The following ARHGAP44 variants were observed in gnomAD, a reference collection of about 807,000 sequenced individuals.
ARHGAP44 encodes the protein Rho GTPase activating protein 44.
In ARHGAP44, 43 loss-of-function variants were observed where a neutral mutation model predicts 106.8. That is an observed-to-expected ratio of 0.40 (90% CI 0.32 to 0.52). ARHGAP44 has a LOEUF of 0.52. Among genes scored for constraint, ARHGAP44 ranks in the 20% least tolerant of loss-of-function variants. ARHGAP44 has a pLI of 0.48. For synonymous variants in ARHGAP44, 439 were observed against 410.3 expected (o/e 1.07, Z -0.85); for missense variants, 866 against 1,050.5 (o/e 0.82, Z 2.43).
chr17:12,821,970 A>G (rs1301507603), intron 1 of ARHGAP44, among the ~76,000 whole-genome samples: 1 of 152,194 alleles, frequency 6.6e-6, no homozygotes, highest in East Asian at 1.9e-4. Flanking sequence ...ATAAAGACCT[A>G]TAGTCCTAGT....
chr17:12,944,652 A>AT (rs5819393), intron 10 of ARHGAP44, among the ~76,000 whole-genome samples: 72,908 of 137,466 alleles, frequency 0.53, 19,721 homozygotes, highest in Middle Eastern at 0.63. Context: ...CGCCCAGCTA[A>AT]TTTTTTTTTT....
At chr17:12,813,931 C>G (rs969976593) in intron 1 of ARHGAP44, among the ~76,000 whole-genome samples, 4 of 152,158 alleles carry the variant, frequency 2.6e-5, no homozygotes, top group East Asian at 1.9e-4. Flanking sequence ...CTCATTGCCC[C>G]CTTCGACCTC....
chr17:12,896,569 T>A, intron 3 of ARHGAP44, 58 bp downstream of exon 3: 2 of 1,444,474 alleles, frequency 1.4e-6, no homozygotes, highest in Non-Finnish European at 1.9e-6. Flanking sequence ...ACAAGGTTCC[T>A]ACTCCTGTGA....
At chr17:12,936,565 G>A (rs1296753536) in intron 7 of ARHGAP44, among the ~76,000 whole-genome samples, 1 of 152,084 alleles carries the variant, frequency 6.6e-6, no homozygotes. Context: ...TTCATTGTCT[G>A]GATATACCAC....
intron 7 of ARHGAP44, among the ~76,000 whole-genome samples, chr17:12,935,625 G>A: frequency 6.6e-6 from 1 of 151,918 alleles, no homozygotes; most frequent in East Asian, 1.9e-4. Context: ...ATAGATAAAG[G>A]TGAGATAAAA....
chr17:12,987,021 CTTTTT>C (rs3076704), intron 20 of ARHGAP44: 509 of 924,530 alleles, frequency 5.5e-4, no homozygotes, highest in South Asian at 7.9e-4. Flanking sequence ...ATTGGCATAG[CTTTTT>C]TTTTTTTTTT....
intron 19 of ARHGAP44, among the ~76,000 whole-genome samples, 198 bp downstream of exon 19, chr17:12,980,431 G>A (rs1454243610): frequency 6.6e-6 from 1 of 152,138 alleles, no homozygotes. Context: ...TTGACAGGTG[G>A]GCTCATTAGG....
intron 7 of ARHGAP44, among the ~76,000 whole-genome samples, chr17:12,929,571 TC>T (rs1227174469): frequency 1.3e-5 from 2 of 152,232 alleles, no homozygotes; most frequent in Non-Finnish European, 2.9e-5. Flanking sequence ...AGGACATCGT[TC>T]TGAAAACTGC....
intron 1 of ARHGAP44, among the ~76,000 whole-genome samples, chr17:12,867,152 A>G (rs1034153015): frequency 2.0e-5 from 3 of 151,452 alleles, no homozygotes; most frequent in Non-Finnish European, 2.9e-5. Flanking sequence ...CTCACAAGGA[A>G]ACATGACAGG....
At chr17:12,936,588 C>A (rs1008426111) in intron 7 of ARHGAP44, among the ~76,000 whole-genome samples, 5 of 152,208 alleles carry the variant, frequency 3.3e-5, no homozygotes, top group African/African-American at 1.2e-4. Flanking sequence ...TCTATCCACT[C>A]GCCTACTGAA....
At chr17:12,989,101 C>CAAAAAAA (rs71144942) in intron 20 of ARHGAP44, among the ~76,000 whole-genome samples, 13 of 45,156 alleles carry the variant, frequency 2.9e-4, no homozygotes, top group East Asian at 6.4e-4. Flanking sequence ...CCACCCCCCC[C>CAAAAAAA]AAAAAAAAAA....
At chr17:12,804,451 G>A (rs909329452) in intron 1 of ARHGAP44, among the ~76,000 whole-genome samples, 3 of 152,190 alleles carry the variant, frequency 2.0e-5, no homozygotes, top group Non-Finnish European at 2.9e-5. Flanking sequence ...CCTTCATGGC[G>A]AAGGGATGGG....
chr17:12,901,125 T>C (rs1331996001), intron 3 of ARHGAP44, among the ~76,000 whole-genome samples: 2 of 151,950 alleles, frequency 1.3e-5, no homozygotes, highest in Non-Finnish European at 1.5e-5. Flanking sequence ...GGTTTCACCA[T>C]GTTGGCCAGG....
intron 1 of ARHGAP44, among the ~76,000 whole-genome samples, chr17:12,838,557 G>A (rs868738311): frequency 1.3e-5 from 2 of 152,222 alleles, no homozygotes; most frequent in South Asian, 4.1e-4. Context: ...TCTTAAGTGC[G>A]GTGGCAGTGG....
At chr17:12,963,541 G>A (rs1363281143) in intron 16 of ARHGAP44, among the ~76,000 whole-genome samples, 1 of 151,340 alleles carries the variant, frequency 6.6e-6, no homozygotes, top group Non-Finnish European at 1.5e-5. Context: ...AATGCTGTGT[G>A]TGCAGACAGG....
chr17:12,895,037 A>G (rs1040538728), intron 2 of ARHGAP44, 58 bp downstream of exon 2: 1 of 1,524,502 alleles, frequency 6.6e-7, no homozygotes, highest in Admixed American at 2.0e-5. Context: ...AGGCTGAGGC[A>G]GGAGAATTGC....
At chr17:12,859,205 C>T (rs1168032603) in intron 1 of ARHGAP44, among the ~76,000 whole-genome samples, 1 of 152,132 alleles carries the variant, frequency 6.6e-6, no homozygotes, top group Non-Finnish European at 1.5e-5. Flanking sequence ...ATGCCATCTA[C>T]GAGCCAAGGA....
chr17:12,842,312 G>A (rs1027273275), intron 1 of ARHGAP44, among the ~76,000 whole-genome samples: 2 of 151,122 alleles, frequency 1.3e-5, no homozygotes, highest in African/African-American at 2.4e-5. Flanking sequence ...AGCTACTCAG[G>A]AGGCTAAGAT....
At chr17:12,948,751 C>CACACACACACACA (rs200024961) in intron 10 of ARHGAP44, among the ~76,000 whole-genome samples, 5 of 147,744 alleles carry the variant, frequency 3.4e-5, no homozygotes, top group South Asian at 2.1e-4. Context: ...CACACACACA[C>CACACACACACACA]CCCCTGTAGA....
Sources: allele counts gnomAD v4.1 joint callset (sites outside exome capture counted in the v4.1 genomes callset), GRCh38; gene constraint gnomAD v4.1.1; transcripts MANE v1.5; gene names NCBI Gene and HGNC (gene_info 2026-07-23, HGNC 2026-07-21).